SPDYE3: variants seen among roughly 807,000 people sequenced by gnomAD.
SPDYE3 encodes speedy/RINGO cell cycle regulator family member E3, also known as speedy protein E3.
Under a neutral mutation model 55.0 loss-of-function variants are expected in SPDYE3, and 15 were observed. The observed-to-expected ratio is 0.27, with a 90% CI of 0.18 to 0.42. The LOEUF (loss-of-function observed/expected upper bound fraction) is 0.42, where lower values mean the gene tolerates loss of function less well. Ranked by LOEUF, SPDYE3 falls within the 10% of genes least tolerant of loss-of-function variation. SPDYE3 has a pLI of 1.00. For missense variants in SPDYE3, 236 were observed against 576.7 expected (o/e 0.41, Z 6.05); for synonymous variants, 89 against 229.9 (o/e 0.39, Z 5.55).
At chr7:100,310,052 C>T (rs71569574) in intron 2 of SPDYE3, among the ~76,000 whole-genome samples, 1 of 138,938 alleles carries the variant, frequency 7.2e-6, no homozygotes, top group East Asian at 2.0e-4. Context: ...GCTGAGATTG[C>T]ACCACTACAC....
At chr7:100,318,887 GTTATTTATTTAT>G (rs201381694) in intron 8 of SPDYE3, among the ~76,000 whole-genome samples, 719 of 140,662 alleles carry the variant, frequency 5.1e-3, no homozygotes, top group Non-Finnish European at 7.2e-3. Context: ...CACCTGGACA[GTTATTTATTTAT>G]TTATTTATTT....
In SPDYE3 at chr7:100,322,115, T is replaced by C. The variant is rs573223140; in HGVS notation, c.*1270T>C. The C allele has an allele frequency of 5.3e-5, 8 of 152,174 alleles. No individual in the cohort carries two copies. Among genetic ancestry groups the C allele is most frequent in the African/African-American group, 1.9e-4 (8 of 41,564 alleles). 9.4% of individuals were successfully genotyped at this position (152,174 alleles called of 1,614,324 possible). A position where few individuals can be genotyped will look rare whatever the true frequency, so the allele number is the denominator to read the frequency against. On this transcript the variant is annotated 3_prime_UTR_variant, in exon 11 of 11. Transcript: ENST00000332397. ...GGAGCAGACTTTTTATCTATGATACTTAGTTAATGTATATATTACATTTAT... is the reference window on the plus strand; with the variant it reads ...GGAGCAGACTTTTTATCTATGATACCTAGTTAATGTATATATTACATTTAT...
intron 8 of SPDYE3, among the ~76,000 whole-genome samples, chr7:100,317,380 C>T (rs1377238310): frequency 1.3e-5 from 2 of 152,134 alleles, no homozygotes; most frequent in Non-Finnish European, 2.9e-5. Context: ...CCGAGGCAAG[C>T]GGATCACCTG....
chr7:100,307,923 G>A lies in SPDYE3; in HGVS notation c.38G>A (p.Ser13Asn). Residue 13 changes from serine (S) to asparagine (N), a missense_variant, in exon 1 of 11, where the codon AGC (serine) becomes AAC (asparagine). Ser to Asn is a conservative substitution (Grantham distance 46). Transcript: ENST00000332397. Reference protein sequence around the residue: ...SHQPQPQEEQSPQRSTSGYPL... With the variant: ...SHQPQPQEEQNPQRSTSGYPL... ...CAACCGCAGCCCCAGGAAGAGCAGA[G>A]CCCCCAGCGGAGCACCTCAGGGTAC... is the stretch of plus-strand genomic sequence containing the variant. 5 of 1,585,408 alleles carry A rather than the reference G, an allele frequency of 3.2e-6. No homozygotes were observed. The highest frequency in any genetic ancestry group is 2.3e-4 in the Middle Eastern group (1 of 4,414).
At chr7:100,317,284 A>G (rs1199592212) in intron 8 of SPDYE3, 129 bp downstream of exon 8, 1 of 1,458,646 alleles carries the variant, frequency 6.9e-7, no homozygotes, top group African/African-American at 1.4e-5. Context: ...AAAAGACAGG[A>G]TTATAGTATC....
chr7:100,317,233 T>C lies in SPDYE3; in HGVS notation c.1346+78T>C, dbSNP rs1313408307. 5 of 1,329,078 alleles carry C rather than the reference T, an allele frequency of 3.8e-6. No homozygotes were observed. The East Asian group carries it at 9.2e-5, about 24-fold the overall frequency. The allele number at this position is 1,329,078 out of a possible 1,614,324, so 82.3% of individuals were successfully genotyped here. A position where few individuals can be genotyped will look rare whatever the true frequency, so the allele number is the denominator to read the frequency against. ...GGGGAAGTGGGATTCCAGCCTTTCA[T>C]TTATTCTTTCACCTATTTGTCCTCT... is the stretch of plus-strand genomic sequence containing the variant. On this transcript the variant is annotated intron_variant, in intron 8 of 10. Transcript: ENST00000332397.
chr7:100,313,038 C>G (rs1584997815), intron 4 of SPDYE3, 102 bp from the exon 5 acceptor site: 1 of 552,228 alleles, frequency 1.8e-6, no homozygotes, highest in East Asian at 2.8e-5. Flanking sequence ...AGCCAGCAGT[C>G]TGCGAGGCTG....
Position 100,313,323 on chromosome 7 carries a change from TC to T in SPDYE3, c.950del (p.Pro317LeufsTer15), listed in dbSNP as rs2129964871. The T allele has an allele frequency of 1.5e-6, 2 of 1,350,468 alleles. No homozygotes were observed. The highest frequency in any genetic ancestry group is 1.7e-5 in the African/African-American group (1 of 60,546). 83.7% of individuals were successfully genotyped at this position (1,350,468 alleles called of 1,614,324 possible). ...AAGCGACGGCGAGTGTCGCTCGTGC[TC>T]CCTGAGTACTACGAGGCCTTCAACA... ...KAKRRRVSLV[L>X]PEYYEAFNRL... On this transcript the variant is annotated frameshift_variant, in exon 5 of 11. Coordinates refer to ENST00000332397, the MANE Select transcript of SPDYE3 (RefSeq NM_001004351.5). LOFTEE classifies it high-confidence loss of function.
chr7:100,318,648 CCT>C (rs1344665815), intron 8 of SPDYE3, among the ~76,000 whole-genome samples: 4 of 152,030 alleles, frequency 2.6e-5, no homozygotes, highest in Admixed American at 6.6e-5. Flanking sequence ...GGTCATCTCC[CCT>C]GATTACTCCC....
chr7:100,321,390 A>G lies in SPDYE3; in HGVS notation c.*545A>G, dbSNP rs1789578905. On this transcript the variant is annotated 3_prime_UTR_variant, in exon 11 of 11. Transcript: ENST00000332397. ...AATCATTAATAGGTTTATTTCAAAT[A>G]GTTTGGAAATTGTTGTACTTTTGAA... 1 of 257,762 alleles carries G rather than the reference A, an allele frequency of 3.9e-6. No individual in the cohort carries two copies. Among genetic ancestry groups the G allele is most frequent in the Non-Finnish European group, 7.6e-6 (1 of 130,722 alleles). The allele number at this position is 257,762 out of a possible 1,614,324, so 16.0% of individuals were successfully genotyped here.
intron 7 of SPDYE3, 110 bp from the exon 8 acceptor site, chr7:100,316,960 G>T (rs1737087433): frequency 4.6e-6 from 7 of 1,514,912 alleles, no homozygotes; most frequent in Non-Finnish European, 6.4e-6. Flanking sequence ...CAATGCTGAG[G>T]TCCCTTCTCT....
intron 7 of SPDYE3, 23 bp downstream of exon 7, chr7:100,315,866 T>G: frequency 6.3e-7 from 1 of 1,599,470 alleles, no homozygotes; most frequent in Non-Finnish European, 8.5e-7. Flanking sequence ...TCTATGTAAC[T>G]GTGTTCCTGT....
At position 100,320,050 on chromosome 7, in the gene SPDYE3, T is replaced by C; in HGVS notation, c.*45+15T>C. 1.9e-6 allele frequency: 3 copies of C among 1,599,954 alleles called. No homozygotes were observed. The highest frequency in any genetic ancestry group is 2.5e-6 in the Non-Finnish European group (3 of 1,178,048). On this transcript the variant is annotated intron_variant, in intron 10 of 10. Transcript: ENST00000332397. ...CCTGAGAGAAGGTACATCTGCATCC[T>C]CCGGGGTAAAGGCAGAATATTGGGG...
rs755303383 is a variant in SPDYE3, at chr7:100,319,596, G to A, written c.1378G>A (p.Glu460Lys). Residue 460 changes from glutamate to lysine, a missense_variant, in exon 9 of 11, where the codon GAG becomes AAG. By Grantham distance (56) the Glu-to-Lys change is moderately conservative (BLOSUM62 1). Transcript: ENST00000332397. ...YLANDMEEDD[E>K]APKQKIFYFL... Reference sequence around the variant, plus strand: ...GGCCAATGACATGGAGGAGGACGACGAGGCCCCCAAACAAAAGATCTTCTA... The same window carrying A: ...GGCCAATGACATGGAGGAGGACGACAAGGCCCCCAAACAAAAGATCTTCTA... The A allele has an allele frequency of 9.3e-6, 15 of 1,614,078 alleles. No individual in the cohort carries two copies. In the East Asian group the frequency reaches 1.3e-4, roughly 14 times the overall value.
intron 8 of SPDYE3, 77 bp from the exon 9 acceptor site, chr7:100,319,488 C>T: frequency 6.2e-7 from 1 of 1,607,788 alleles, no homozygotes; most frequent in Non-Finnish European, 8.5e-7. Context: ...CCCTTACCTT[C>T]CTCTCTGGGA....
At chr7:100,308,800 G>A (rs1483184497) in intron 1 of SPDYE3, among the ~76,000 whole-genome samples, 174 bp from the exon 2 acceptor site, 1 of 150,138 alleles carries the variant, frequency 6.7e-6, no homozygotes, top group Non-Finnish European at 1.5e-5. Context: ...GGAAGAATGG[G>A]GAGGGGAAGG....
intron 7 of SPDYE3, among the ~76,000 whole-genome samples, 191 bp downstream of exon 7, chr7:100,316,034 C>T (rs1239064159): frequency 2.6e-5 from 4 of 151,980 alleles, no homozygotes; most frequent in Non-Finnish European, 2.9e-5. Context: ...GGCAGTGTCT[C>T]GATCTTGACT....
chr7:100,319,679 G>A lies in SPDYE3; in HGVS notation c.1461G>A (p.Gln487=), dbSNP rs767813103. Residue 487 remains glutamine (Q), a synonymous_variant, in exon 9 of 11, where the codon CAG becomes CAA. Coordinates refer to ENST00000332397, the MANE Select transcript of SPDYE3 (RefSeq NM_001004351.5). ...HIPLRPKHWF[Q]LCRPMNPRAR... The stretch of plus-strand genomic sequence containing the variant: ...CCTTGCGCCCTAAGCATTGGTTCCA[G>A]TTATGCCGTCCCATGAACCCGAGGG... 2 of 1,614,228 alleles carry A rather than the reference G, an allele frequency of 1.2e-6. No individual in the cohort carries two copies. The highest frequency in any genetic ancestry group is 8.5e-7 in the Non-Finnish European group (1 of 1,180,040).
At chr7:100,320,276 C>T (rs1262006755) in intron 10 of SPDYE3, 9 of 1,077,608 alleles carry the variant, frequency 8.4e-6, no homozygotes, top group Non-Finnish European at 1.1e-5. Flanking sequence ...CCTGATCCTG[C>T]CACTGCACTC....
Sources: allele counts gnomAD v4.1 joint callset (sites outside exome capture counted in the v4.1 genomes callset), GRCh38; gene constraint gnomAD v4.1.1; transcripts MANE v1.5; gene names NCBI Gene and HGNC (gene_info 2026-07-23, HGNC 2026-07-21).